The following RHOBTB1 variants were observed in gnomAD, a reference collection of about 807,000 sequenced individuals.
RHOBTB1 encodes the protein rho-related BTB domain-containing protein 1.
RHOBTB1 carries 40 observed loss-of-function variants against 71.6 expected under a neutral mutation model. The observed-to-expected ratio is 0.56, with a 90% CI of 0.43 to 0.73. RHOBTB1 has a LOEUF of 0.73. Ranked by LOEUF, RHOBTB1 falls within the 30% of genes least tolerant of loss-of-function variation. The pLI is 0.00. For missense variants in RHOBTB1, 797 were observed against 894.0 expected (o/e 0.89, Z 1.38); for synonymous variants, 319 against 334.9 (o/e 0.95, Z 0.52).
rs550334622 is a variant in RHOBTB1 at position 60,926,262 on chromosome 10, C to A, written c.-10-14710G>T. ...AAATAAATAAATAAATAAATATGGACAAGACCTGATGGCTTCACTGCTAAA... is the reference window on the plus strand; with the variant it reads ...AAATAAATAAATAAATAAATATGGAAAAGACCTGATGGCTTCACTGCTAAA... On this transcript the variant is annotated intron_variant, in intron 2 of 10. Coordinates refer to ENST00000337910, the MANE Select transcript of RHOBTB1 (RefSeq NM_014836.5). Among the ~76,000 whole-genome samples the A allele has an allele frequency of 1.8e-3, 267 of 152,158 alleles. 1 individual carries two copies. The highest frequency in any genetic ancestry group is 5.7e-3 in the African/African-American group (235 of 41,512).
At chr10:60,900,082 T>G (rs186260012) in intron 4 of RHOBTB1, among the ~76,000 whole-genome samples, 285 of 152,264 alleles carry the variant, frequency 1.9e-3, no homozygotes, top group Middle Eastern at 3.4e-3. Flanking sequence ...GCCATTCTGC[T>G]GGAGCACAGT....
At chr10:60,900,002 A>T (rs2082337930) in intron 4 of RHOBTB1, among the ~76,000 whole-genome samples, 1 of 152,166 alleles carries the variant, frequency 6.6e-6, no homozygotes. Context: ...AGAACCTAGC[A>T]GAAGAGGAAA....
chr10:60,867,045 T>C (rs1284507109), downstream of RHOBTB1, among the ~76,000 whole-genome samples: 1 of 152,182 alleles, frequency 6.6e-6, no homozygotes, highest in Non-Finnish European at 1.5e-5. Flanking sequence ...CACTAAGCAC[T>C]TATTATGTCC....
chr10:60,963,617 T>C (rs766033462), intron 2 of RHOBTB1, among the ~76,000 whole-genome samples: 2 of 152,146 alleles, frequency 1.3e-5, no homozygotes, highest in Non-Finnish European at 2.9e-5. Flanking sequence ...ATGTGTTCCA[T>C]TGGAACAGGA....
At chr10:60,892,581 C>A (rs7089671) in intron 5 of RHOBTB1, among the ~76,000 whole-genome samples, 44,301 of 152,036 alleles carry the variant, frequency 0.29, 6,688 homozygotes, top group East Asian at 0.58. Flanking sequence ...GAATTTACTT[C>A]AAGTGCTGTC....
intron 9 of RHOBTB1, among the ~76,000 whole-genome samples, chr10:60,873,884 G>A (rs191566018): frequency 6.6e-6 from 1 of 152,388 alleles, no homozygotes; most frequent in Non-Finnish European, 1.5e-5. Flanking sequence ...CCTTTGCCTA[G>A]GGCGGTGCCT....
chr10:60,989,826 A>C (rs1455093139), intron 1 of RHOBTB1, among the ~76,000 whole-genome samples: 2 of 152,018 alleles, frequency 1.3e-5, no homozygotes, highest in Non-Finnish European at 2.9e-5. Flanking sequence ...CAGGTGGGAG[A>C]GGCAAGCCAG....
intron 4 of RHOBTB1, among the ~76,000 whole-genome samples, chr10:60,906,738 G>A (rs968094097): frequency 2.0e-5 from 3 of 152,106 alleles, no homozygotes; most frequent in Non-Finnish European, 4.4e-5. Context: ...CAGCAACATA[G>A]GCTTTATTCA....
In RHOBTB1 at chr10:60,886,103, G is replaced by A. The variant is rs761587543; in HGVS notation, c.1575+9C>T. 13 of 1,591,114 alleles carry A rather than the reference G, an allele frequency of 8.2e-6. 1 individual carries two copies. In the South Asian group the frequency reaches 1.2e-4, roughly 15 times the overall value. ...AAAGACACCACTATGCTTTTAGGAA[G>A]GCACGTACCTCACTGTTGGCACTTT... On this transcript the variant is annotated intron_variant, in intron 7 of 10. Transcript: ENST00000337910.
intron 2 of RHOBTB1, among the ~76,000 whole-genome samples, chr10:60,936,163 C>G (rs527724553): frequency 6.6e-6 from 1 of 152,134 alleles, no homozygotes; most frequent in African/African-American, 2.4e-5. Context: ...TTCTGACGTA[C>G]GTCTTTGATG....
At chr10:60,968,197 C>T (rs1013869770) in intron 2 of RHOBTB1, among the ~76,000 whole-genome samples, 1 of 152,124 alleles carries the variant, frequency 6.6e-6, no homozygotes, top group African/African-American at 2.4e-5. Context: ...CAATGTGTCT[C>T]TGGAGAAATG....
chr10:60,942,105 CAAACA>C (rs1475681528), intron 1 of RHOBTB1, among the ~76,000 whole-genome samples: 3 of 152,170 alleles, frequency 2.0e-5, no homozygotes, highest in African/African-American at 7.2e-5. Flanking sequence ...ACCAAAAAAA[CAAACA>C]AAACAAAACA....
At position 60,920,334 on chromosome 10, in the gene RHOBTB1, G is replaced by A. The variant is rs188554065; in HGVS notation, c.-10-8782C>T. 4.3e-3 allele frequency among the ~76,000 whole-genome samples: 647 copies of A among 152,162 alleles called. 2 individuals are homozygous for A. The highest frequency in any genetic ancestry group is 7.0e-3 in the Non-Finnish European group (477 of 68,004). On this transcript the variant is annotated intron_variant, in intron 2 of 10. Transcript: ENST00000337910. ...TCCTTGAAAAAAACCAAAGGATGTCGAGAAAAAATAATGGATGGGAAGCCT... is the reference window on the plus strand; with the variant it reads ...TCCTTGAAAAAAACCAAAGGATGTCAAGAAAAAATAATGGATGGGAAGCCT...
intron 2 of RHOBTB1, 81 bp downstream of exon 2, chr10:60,941,723 A>C (rs1301727227): frequency 6.6e-6 from 1 of 152,526 alleles, no homozygotes; most frequent in Non-Finnish European, 1.5e-5. Context: ...ATGATTAAGA[A>C]ACCTGTTCTG....
In RHOBTB1 at chr10:60,870,183, A is replaced by G. The variant is rs2080713280; in HGVS notation, c.*1299T>C. ...TAACATTTTAATTTACAGAGAAGCAATGACTGACTGCCTCACGAAAGCTCC... is the reference window on the plus strand; with the variant it reads ...TAACATTTTAATTTACAGAGAAGCAGTGACTGACTGCCTCACGAAAGCTCC... On this transcript the variant is annotated 3_prime_UTR_variant, in exon 11 of 11. Transcript: ENST00000337910. 6.6e-6 allele frequency: 1 copy of G among 152,602 alleles called. No individual in the cohort carries two copies. Among genetic ancestry groups the G allele is most frequent in the Non-Finnish European group, 1.5e-5 (1 of 68,036 alleles). The allele number at this position is 152,602 out of a possible 1,614,324, so 9.5% of individuals were successfully genotyped here.
intron 2 of RHOBTB1, among the ~76,000 whole-genome samples, chr10:60,983,099 C>T (rs1294150171): frequency 6.6e-6 from 1 of 152,064 alleles, no homozygotes; most frequent in Non-Finnish European, 1.5e-5. Flanking sequence ...TAATTCTAAC[C>T]AATTAGCATG....
chr10:60,944,313 GC>G (rs1423131365), upstream of RHOBTB1: 4 of 152,224 alleles, frequency 2.6e-5, no homozygotes, highest in African/African-American at 9.6e-5. Context: ...CGTGGCGGCC[GC>G]CGCTCGCACT....
At chr10:60,872,740 ATG>A (rs1436773733) in intron 9 of RHOBTB1, among the ~76,000 whole-genome samples, 3 of 152,158 alleles carry the variant, frequency 2.0e-5, no homozygotes, top group African/African-American at 7.2e-5. Context: ...AGACTGCAGA[ATG>A]TGTGACTGTC....
At position 60,988,892 on chromosome 10, in the gene RHOBTB1, G is replaced by A. The variant is rs147375832; in HGVS notation, c.-162-2947C>T. 2.3e-3 allele frequency among the ~76,000 whole-genome samples: 346 copies of A among 152,206 alleles called. 2 individuals are homozygous for A. Among genetic ancestry groups the A allele is most frequent in the African/African-American group, 7.2e-3 (300 of 41,540 alleles). Reference sequence around the variant, plus strand: ...TAATTGTACCCTTCCTATGAAAGTCGCATTTATAGTACTCTGGCTTTATTC... The same window carrying A: ...TAATTGTACCCTTCCTATGAAAGTCACATTTATAGTACTCTGGCTTTATTC... On this transcript the variant is annotated intron_variant, in intron 1 of 11. Coordinates refer to the RHOBTB1 transcript ENST00000357917.
Sources: gnomAD v4.1 joint callset for allele counts (sites outside exome capture counted in the v4.1 genomes callset) on GRCh38, gnomAD v4.1.1 for gene constraint, MANE v1.5 for transcripts, NCBI Gene and HGNC (gene_info 2026-07-23, HGNC 2026-07-21) for gene names.